ELN: variants seen among roughly 807,000 people sequenced by gnomAD.
ELN encodes the protein tropoelastin.
In ELN, 65 loss-of-function variants were observed where a neutral mutation model predicts 105.8. The ratio of observed to expected loss-of-function variants is 0.61; its 90% confidence interval spans 0.50 to 0.75. The LOEUF is 0.75. Among genes scored for constraint, ELN ranks in the 30% least tolerant of loss-of-function variants. The probability of loss-of-function intolerance (pLI) is 0.00; values close to 1 mark genes in which losing one functional copy is unlikely to be tolerated. For missense variants in ELN, 882 were observed against 969.4 expected, an observed-to-expected ratio of 0.91 and a Z score of 1.20; for synonymous variants, 368 against 389.2, an observed-to-expected ratio of 0.95 and a Z score of 0.64.
chr7:74,038,826 T>A (rs539903928), intron 4 of ELN, among the ~76,000 whole-genome samples: 1 of 152,290 alleles, frequency 6.6e-6, no homozygotes, highest in Admixed American at 6.5e-5. Context: ...GCGCTAAAAG[T>A]CCATCTGGGT....
chr7:74,062,931 T>C (rs1212111295), intron 26 of ELN, among the ~76,000 whole-genome samples: 1 of 151,838 alleles, frequency 6.6e-6, no homozygotes, highest in African/African-American at 2.4e-5. Flanking sequence ...AGCCCAGGAG[T>C]TGGAGGCTGC....
chr7:74,030,069 G>A (rs903671144), intron 1 of ELN, among the ~76,000 whole-genome samples: 2 of 152,208 alleles, frequency 1.3e-5, no homozygotes, highest in Non-Finnish European at 2.9e-5. Context: ...ACGCCCAGCT[G>A]GCCTCACACT....
chr7:74,060,344 C>T lies in ELN; in HGVS notation c.1622-32C>T, dbSNP rs375107324. 451 of 1,614,130 alleles carry T rather than the reference C, an allele frequency of 2.8e-4. 6 individuals are homozygous for T. In the South Asian group the frequency reaches 4.6e-3, roughly 16 times the overall value. On this transcript the variant is annotated intron_variant, in intron 24 of 32. Coordinates refer to ENST00000252034, the MANE Select transcript of ELN (RefSeq NM_000501.4). ...ACCTCCTTAGGGGCATGCTCCCTGC[C>T]TGCTGTCGCCACCACTGCCCTCTGT...
intron 5 of ELN, among the ~76,000 whole-genome samples, chr7:74,041,850 G>T (rs1313102851): frequency 6.6e-6 from 1 of 152,070 alleles, no homozygotes; most frequent in East Asian, 1.9e-4. Flanking sequence ...AGTGATTCTT[G>T]TGTCTCAGCC....
At chr7:74,032,768 G>T (rs957259881) in intron 1 of ELN, among the ~76,000 whole-genome samples, 2 of 152,108 alleles carry the variant, frequency 1.3e-5, no homozygotes, top group African/African-American at 4.8e-5. Context: ...GGAAGTCAGG[G>T]TTCAGCCAGG....
Position 74,045,189 on chromosome 7 carries a change from C to T in ELN, c.470-33C>T, listed in dbSNP as rs782416472. On this transcript the variant is annotated intron_variant, in intron 9 of 32. Transcript: ENST00000252034. ...TTCCCAGCAGGGCCTGCAAGGCCTGCCTTCCTACACTCACTGCTTTGTCCC... is the reference window on the plus strand; with the variant it reads ...TTCCCAGCAGGGCCTGCAAGGCCTGTCTTCCTACACTCACTGCTTTGTCCC... 13 of 1,613,198 alleles carry T rather than the reference C, an allele frequency of 8.1e-6. No homozygotes were observed. The East Asian group carries it at 2.9e-4, about 36-fold the overall frequency.
In ELN at chr7:74,059,999, G is replaced by A. The variant is rs782178542; in HGVS notation, c.1528G>A (p.Ala510Thr). The change falls in exon 23 of 33, where the codon GCT becomes ACT. Residue 510 changes from alanine (A) to threonine (T), a missense_variant. Ala to Thr is a moderately conservative substitution (Grantham distance 58). Coordinates refer to ENST00000252034, the MANE Select transcript of ELN (RefSeq NM_000501.4). ...TGGCGTGGCTCCTGGAGTTGGTGTGGCTCCTGGCGTTGGCGTGGCTCCCGG... is the reference window on the plus strand; with the variant it reads ...TGGCGTGGCTCCTGGAGTTGGTGTGACTCCTGGCGTTGGCGTGGCTCCCGG... ...GVGVAPGVGV[A>T]PGVGVAPGIG... 2 of 1,614,016 alleles carry A rather than the reference G, an allele frequency of 1.2e-6. No homozygotes were observed. The highest frequency in any genetic ancestry group is 2.2e-5 in the East Asian group (1 of 44,880).
intron 3 of ELN, 31 bp downstream of exon 3, chr7:74,036,615 T>C: frequency 6.2e-7 from 1 of 1,614,034 alleles, no homozygotes; most frequent in Non-Finnish European, 8.5e-7. Context: ...TGTTCATCAC[T>C]GAAAGGGCCT....
chr7:74,068,671 G>A lies in ELN; in HGVS notation c.2146G>A (p.Gly716Arg). Reference protein sequence around the residue: ...SPIFPGGACLGKACGRKRK With the variant: ...SPIFPGGACLRKACGRKRK The stretch of plus-strand genomic sequence containing the variant: ...CTCCCGTCCAGGTGGGGCCTGCCTG[G>A]GGAAAGCTTGTGGCCGGAAGAGAAA... Residue 716 changes from glycine to arginine, a missense_variant, in exon 33 of 33, where the codon GGG becomes AGG. Transcript: ENST00000252034. The A allele has an allele frequency of 6.2e-7, 1 of 1,614,114 alleles. No individual in the cohort carries two copies. Among genetic ancestry groups the A allele is most frequent in the Non-Finnish European group, 8.5e-7 (1 of 1,180,014 alleles).
intron 4 of ELN, among the ~76,000 whole-genome samples, chr7:74,040,166 T>C (rs571618194): frequency 6.6e-6 from 1 of 152,286 alleles, no homozygotes; most frequent in East Asian, 1.9e-4. Context: ...CAGCCTCTTC[T>C]CACTTCCTGT....
chr7:74,066,477 G>A (rs772419257), intron 31 of ELN, among the ~76,000 whole-genome samples: 10 of 152,096 alleles, frequency 6.6e-5, no homozygotes, highest in Non-Finnish European at 1.0e-4. Flanking sequence ...TGAGGCGGGA[G>A]AATCACTGGA....
chr7:74,055,998 G>T (rs1554679334), intron 19 of ELN, among the ~76,000 whole-genome samples: 1 of 151,702 alleles, frequency 6.6e-6, no homozygotes. Context: ...TATTGGCCAG[G>T]CTGGTCTCGA....
chr7:74,066,077 T>C, intron 31 of ELN, 80 bp downstream of exon 31: 8 of 1,594,120 alleles, frequency 5.0e-6, no homozygotes, highest in Non-Finnish European at 6.9e-6. Flanking sequence ...CAGTGGGGAC[T>C]CCCAGAGCCC....
intron 15 of ELN, 111 bp downstream of exon 15, chr7:74,048,667 C>A: frequency 7.7e-7 from 1 of 1,290,482 alleles, no homozygotes; most frequent in East Asian, 2.5e-5. Flanking sequence ...CCCATTTACT[C>A]AAAATTTTCA....
intron 15 of ELN, 48 bp from the exon 16 acceptor site, chr7:74,051,702 T>C (rs782541446): frequency 6.2e-7 from 1 of 1,607,636 alleles, no homozygotes; most frequent in Admixed American, 1.7e-5. Context: ...CTGCCTGTCC[T>C]CAGGAGGGTC....
At chr7:74,066,431 G>C (rs190114139) in intron 31 of ELN, among the ~76,000 whole-genome samples, 2 of 152,076 alleles carry the variant, frequency 1.3e-5, no homozygotes, top group African/African-American at 4.8e-5. Context: ...TTAGCCAAAC[G>C]TGGTGGACGC....
Position 74,063,512 on chromosome 7 carries a change from G to A in ELN, c.1919-109G>A. The A allele has an allele frequency of 4.4e-6, 7 of 1,608,988 alleles. No homozygotes were observed. Among genetic ancestry groups the A allele is most frequent in the Non-Finnish European group, 5.1e-6 (6 of 1,177,348 alleles). On this transcript the variant is annotated intron_variant, in intron 28 of 32. Coordinates refer to ENST00000252034, the MANE Select transcript of ELN (RefSeq NM_000501.4). The surrounding 1 kb of genome is among the most constrained non-coding windows in gnomAD (Gnocchi z 4.1). Reference sequence around the variant, plus strand: ...CACTGTGCCATCGAAGGCCAGGGGAGACCTCAGGCTCCACCTGTGTCCCCA... The same window carrying A: ...CACTGTGCCATCGAAGGCCAGGGGAAACCTCAGGCTCCACCTGTGTCCCCA...
At chr7:74,060,615 C>T in intron 25 of ELN, 114 bp downstream of exon 25, 1 of 1,574,690 alleles carries the variant, frequency 6.4e-7, no homozygotes, top group Non-Finnish European at 8.6e-7. Flanking sequence ...ATAGTAAAAT[C>T]CTTGTTAGGT....
chr7:74,049,933 C>G (rs1793583404), intron 15 of ELN, among the ~76,000 whole-genome samples: 2 of 148,030 alleles, frequency 1.4e-5, no homozygotes, highest in African/African-American at 2.5e-5. Flanking sequence ...ATACATCAAT[C>G]CACCCATCCA....
Sources: gnomAD v4.1 joint callset for allele counts (sites outside exome capture counted in the v4.1 genomes callset) on GRCh38, gnomAD v4.1.1 for gene constraint, Gnocchi (gnomAD v3.1) non-coding constraint, MANE v1.5 for transcripts, NCBI Gene and HGNC (gene_info 2026-07-23, HGNC 2026-07-21) for gene names.